Variants in TMEM223 observed in about 807,000 individuals in gnomAD.
TMEM223 encodes transmembrane protein 223.
A neutral mutation model predicts 14.1 loss-of-function variants in TMEM223; 14 were observed. The observed-to-expected ratio is 0.99, with a 90% CI of 0.66 to 1.55. TMEM223 has a LOEUF of 1.55. TMEM223 is among the 40% of genes most tolerant of loss of function. TMEM223 has a pLI of 0.00. For missense variants in TMEM223, 346 were observed against 269.9 expected, an observed-to-expected ratio of 1.28 and a Z score of -1.97; for synonymous variants, 145 against 120.5, an observed-to-expected ratio of 1.20 and a Z score of -1.33.
At chr11:62,789,867 C>G (rs760561540), downstream of TMEM223, 1 of 1,609,098 alleles carries the variant, frequency 6.2e-7, no homozygotes, top group Non-Finnish European at 8.5e-7. Context: ...CCTGACGATC[C>G]TGTCCCTGTC....
downstream of TMEM223, chr11:62,789,440 G>T: frequency 6.2e-7 from 1 of 1,613,680 alleles, no homozygotes; most frequent in Middle Eastern, 1.6e-4. Flanking sequence ...ATGGGAGAGG[G>T]AGGGAAGCCT....
intron 2 of TMEM223, among the ~76,000 whole-genome samples, chr11:62,772,852 CTT>C (rs35555640): frequency 2.1e-5 from 3 of 142,514 alleles, no homozygotes; most frequent in African/African-American, 7.6e-5. Context: ...TTTAGAAGAT[CTT>C]TTTTTTTTGT....
intron 1 of TMEM223, among the ~76,000 whole-genome samples, chr11:62,781,459 G>T (rs888304718): frequency 7.2e-5 from 11 of 151,910 alleles, no homozygotes; most frequent in Non-Finnish European, 1.3e-4. Context: ...AGATCACGAG[G>T]TCAGGAGATC....
At chr11:62,789,531 G>A (rs898636781), downstream of TMEM223, 22 of 1,580,060 alleles carry the variant, frequency 1.4e-5, no homozygotes, top group Non-Finnish European at 1.9e-5. Flanking sequence ...AACTCACAGG[G>A]CACTGGGCAC....
rs753683120 is a variant in TMEM223, at chr11:62,790,901, C to A, written c.331G>T (p.Gly111Cys). 6.3e-6 allele frequency: 10 copies of A among 1,582,546 alleles called. No homozygotes were observed. The African/African-American group carries it at 1.1e-4, about 17-fold the overall frequency. ...CGGAGAGAGAAGAGAAGACCAGCAC[C>A]GAGTACGAGGGCTCCTGCAGGCAGG... ...GCGAIGALVL[G>C]AGLLFSLRSV... The change falls in exon 2 of 2, where the codon GGT (glycine) becomes TGT (cysteine). Residue 111 changes from glycine to cysteine, a missense_variant. Coordinates refer to ENST00000307366, the MANE Select transcript of TMEM223 (RefSeq NM_001080501.3).
At chr11:62,774,197 C>T (rs2084169213) in intron 2 of TMEM223, among the ~76,000 whole-genome samples, 1 of 152,022 alleles carries the variant, frequency 6.6e-6, no homozygotes, top group Admixed American at 6.5e-5. Context: ...CTGCCTCAGC[C>T]TCCCGAGTAG....
chr11:62,790,083 C>A lies in TMEM223; in HGVS notation c.*540G>T. ...GAGTGCTTCCTGCAGCCGAAGACTC[C>A]ATGCCCAAGTGCCTGTAATCCCCCC... On this transcript the variant is annotated 3_prime_UTR_variant, in exon 2 of 2. Transcript: ENST00000307366. The A allele has an allele frequency of 6.4e-7, 1 of 1,557,914 alleles. No homozygotes were observed. The highest frequency in any genetic ancestry group is 8.7e-7 in the Non-Finnish European group (1 of 1,151,246).
At chr11:62,787,507 G>A (rs535599426), downstream of TMEM223, 2 of 1,577,008 alleles carry the variant, frequency 1.3e-6, no homozygotes, top group Non-Finnish European at 1.7e-6. Flanking sequence ...CGTGGCGGCC[G>A]CGGCGATGAC....
downstream of TMEM223, among the ~76,000 whole-genome samples, chr11:62,783,705 G>C (rs1012009300): frequency 2.6e-5 from 4 of 151,448 alleles, no homozygotes; most frequent in Non-Finnish European, 5.9e-5. Flanking sequence ...CACCTAACTT[G>C]TATTTTTAGT....
chr11:62,778,778 G>T, intron 1 of TMEM223: 1 of 1,067,022 alleles, frequency 9.4e-7, no homozygotes, highest in Non-Finnish European at 1.4e-6. Flanking sequence ...GTGGATGTGT[G>T]TGGGGATGGT....
chr11:62,774,739 CCCAGCTACTAT>C (rs1406630563), intron 1 of TMEM223: 4 of 444,698 alleles, frequency 9.0e-6, no homozygotes, highest in African/African-American at 2.0e-5. Flanking sequence ...AGGCAGAAAG[CCCAGCTACTAT>C]CCAGCCTGGC....
At chr11:62,776,335 C>A in intron 1 of TMEM223, 1 of 1,592,818 alleles carries the variant, frequency 6.3e-7, no homozygotes, top group Non-Finnish European at 8.6e-7. Flanking sequence ...GTTTCCCATG[C>A]CCCCTGCTTC....
At chr11:62,771,722 G>C (rs1590931034) in exon 3 of TMEM223, 1 of 201,938 alleles carries the variant, frequency 5.0e-6, no homozygotes, top group East Asian at 1.4e-4. Flanking sequence ...CAGTTCCCAC[G>C]CCTCCTCTCC....
At chr11:62,784,359 C>A (rs2084254331), downstream of TMEM223, among the ~76,000 whole-genome samples, 1 of 147,002 alleles carries the variant, frequency 6.8e-6, no homozygotes, top group Admixed American at 6.9e-5. Context: ...GGCTGGAGTC[C>A]AGTGGCGCCA....
chr11:62,775,793 C>T (rs1434568710), intron 1 of TMEM223: 1 of 1,608,302 alleles, frequency 6.2e-7, no homozygotes. Context: ...CATGTCAGAG[C>T]GAGAAGAGCG....
At position 62,791,928 on chromosome 11, in the gene TMEM223, G is replaced by T. The variant is rs577296351; in HGVS notation, c.67C>A (p.Arg23=). ...LAVLRPLLTC[R]PLQGTTLQRD... is the part of the protein sequence containing the mutation. ...TGCAGCGTCGTGCCTTGCAGGGGCC[G>T]GCAGGTGAGCAGGGGCCGCAGCACG... is the stretch of plus-strand genomic sequence containing the variant. The change falls in exon 1 of 2, where the codon CGG becomes AGG. Residue 23 remains arginine (R), a synonymous_variant. Transcript: ENST00000307366. 2 of 1,597,780 alleles carry T rather than the reference G, an allele frequency of 1.3e-6. No homozygotes were observed. Among genetic ancestry groups the T allele is most frequent in the South Asian group, 1.1e-5 (1 of 88,500 alleles).
At chr11:62,776,293 C>A in intron 1 of TMEM223, 1 of 1,324,468 alleles carries the variant, frequency 7.6e-7, no homozygotes, top group Non-Finnish European at 1.1e-6. Context: ...CTCCTGTTTG[C>A]CTTCTCTCCA....
At chr11:62,780,562 T>A (rs2084221154) in intron 1 of TMEM223, among the ~76,000 whole-genome samples, 1 of 151,486 alleles carries the variant, frequency 6.6e-6, no homozygotes, top group African/African-American at 2.4e-5. Context: ...AGAACGAAAC[T>A]CCGTCTCAAA....
downstream of TMEM223, chr11:62,789,831 A>G (rs1486903940): frequency 6.3e-7 from 1 of 1,581,326 alleles, no homozygotes; most frequent in African/African-American, 1.3e-5. Flanking sequence ...GTGGGTGGGA[A>G]GGACTGGATT....
Sources: allele counts gnomAD v4.1 joint callset (sites outside exome capture counted in the v4.1 genomes callset), GRCh38; gene constraint gnomAD v4.1.1; transcripts MANE v1.5; gene names NCBI Gene and HGNC (gene_info 2026-07-23, HGNC 2026-07-21).